The following TAFA5 variants were observed in gnomAD, a reference collection of about 807,000 sequenced individuals.
TAFA5 encodes the protein chemokine-like protein TAFA-5.
TAFA5 carries 6 observed loss-of-function variants against 15.3 expected under a neutral mutation model. The ratio of observed to expected loss-of-function variants is 0.39; its 90% confidence interval spans 0.21 to 0.77. The LOEUF (loss-of-function observed/expected upper bound fraction) is 0.77. Among genes scored for constraint, TAFA5 ranks in the 30% least tolerant of loss-of-function variants. The probability of loss-of-function intolerance (pLI) is 0.41; values close to 1 mark genes in which losing one functional copy is unlikely to be tolerated. For synonymous variants in TAFA5, 103 were observed against 80.7 expected (o/e 1.28, Z -1.48); for missense variants, 161 against 193.1 (o/e 0.83, Z 0.98).
At chr22:48,541,601 C>A (rs928687652) in intron 1 of TAFA5, among the ~76,000 whole-genome samples, 9 of 152,122 alleles carry the variant, frequency 5.9e-5, no homozygotes, top group Admixed American at 3.9e-4. Flanking sequence ...ACAGGTGCCA[C>A]CCCCCTGTGT....
chr22:48,663,205 A>G (rs941168759), intron 2 of TAFA5, among the ~76,000 whole-genome samples: 1 of 152,136 alleles, frequency 6.6e-6, no homozygotes, highest in Non-Finnish European at 1.5e-5. Flanking sequence ...TTCATTTACC[A>G]TTGGGAAGGG....
chr22:48,499,874 A>G (rs1013063840), intron 1 of TAFA5, among the ~76,000 whole-genome samples: 2 of 152,118 alleles, frequency 1.3e-5, no homozygotes, highest in Non-Finnish European at 2.9e-5. Flanking sequence ...TATGTGGTGC[A>G]AATGTGCGTT....
At chr22:48,693,443 G>A (rs376303012) in intron 2 of TAFA5, 22 of 1,603,490 alleles carry the variant, frequency 1.4e-5, no homozygotes, top group East Asian at 9.0e-5. Flanking sequence ...GAGGGACTGC[G>A]ACTCTTGCAG....
chr22:48,563,619 G>C (rs947853625), intron 1 of TAFA5, among the ~76,000 whole-genome samples: 3 of 152,222 alleles, frequency 2.0e-5, no homozygotes, highest in Non-Finnish European at 4.4e-5. Flanking sequence ...AGCGCTGCTG[G>C]GCTCTCTGCC....
At chr22:48,585,619 CCA>C (rs1470143232) in intron 1 of TAFA5, among the ~76,000 whole-genome samples, 2 of 150,906 alleles carry the variant, frequency 1.3e-5, no homozygotes, top group African/African-American at 4.9e-5. Flanking sequence ...ACAAAATACA[CCA>C]CACACACTAG....
At chr22:48,676,222 C>G (rs1927966902) in intron 2 of TAFA5, among the ~76,000 whole-genome samples, 1 of 152,250 alleles carries the variant, frequency 6.6e-6, no homozygotes, top group African/African-American at 2.4e-5. Flanking sequence ...ACAGCGTCCA[C>G]CTCATGGTCT....
At chr22:48,683,877 C>A (rs1928271369) in intron 2 of TAFA5, among the ~76,000 whole-genome samples, 1 of 152,106 alleles carries the variant, frequency 6.6e-6, no homozygotes, top group African/African-American at 2.4e-5. Context: ...AAAAGTGTAG[C>A]CCCTCCCCCG....
At chr22:48,571,061 G>T (rs1468321071) in intron 1 of TAFA5, among the ~76,000 whole-genome samples, 2 of 151,972 alleles carry the variant, frequency 1.3e-5, no homozygotes, top group African/African-American at 4.8e-5. Flanking sequence ...TTTCTATAAG[G>T]GATGGGACTA....
rs140540488 is a variant in TAFA5, at chr22:48,675,361, G to A, written c.262+28615G>A. 2.0e-5 allele frequency among the ~76,000 whole-genome samples: 3 copies of A among 152,366 alleles called. No individual in the cohort carries two copies. The East Asian group carries it at 5.8e-4, about 29-fold the overall frequency. On this transcript the variant is annotated intron_variant, in intron 2 of 3. Coordinates refer to ENST00000402357, the MANE Select transcript of TAFA5 (RefSeq NM_001082967.3). ...CCGTCCAAAACTCTGGGCCTCAGAG[G>A]TTGCAGCGGGAGACAGAGCAGGGGA...
chr22:48,747,315 C>A (rs12165551), intron 3 of TAFA5, among the ~76,000 whole-genome samples: 1,533 of 152,334 alleles, frequency 0.01, 29 homozygotes, highest in African/African-American at 0.035. Context: ...GCCGCTCCAG[C>A]CCTTCTCGTG....
At chr22:48,651,385 G>A (rs59654536) in intron 2 of TAFA5, among the ~76,000 whole-genome samples, 1 of 152,354 alleles carries the variant, frequency 6.6e-6, no homozygotes, top group African/African-American at 2.4e-5. Flanking sequence ...GGTCTGGGGA[G>A]GCTGTGCCCA....
At chr22:48,706,923 C>T (rs1009715070) in intron 2 of TAFA5, among the ~76,000 whole-genome samples, 5 of 152,204 alleles carry the variant, frequency 3.3e-5, no homozygotes, top group Non-Finnish European at 7.3e-5. Context: ...ACACCTACAG[C>T]CACAAAATAG....
intron 3 of TAFA5, among the ~76,000 whole-genome samples, chr22:48,711,331 G>A (rs908710066): frequency 1.1e-4 from 17 of 152,108 alleles, no homozygotes; most frequent in Middle Eastern, 3.4e-3. Context: ...GCTATGGCGG[G>A]GGCACCTTGT....
At chr22:48,685,964 AGTACACGCAGGCCCCACGTGCG>A (rs1386895752) in intron 2 of TAFA5, among the ~76,000 whole-genome samples, 63 of 133,460 alleles carry the variant, frequency 4.7e-4, no homozygotes, top group African/African-American at 2.5e-3. Context: ...GCGCCCCGGG[AGTACACGCAGGCCCCACGTGCG>A]CCCCGGGAGT....
chr22:48,704,039 A>G (rs1929000483), intron 2 of TAFA5, among the ~76,000 whole-genome samples: 1 of 152,216 alleles, frequency 6.6e-6, no homozygotes, highest in South Asian at 2.1e-4. Context: ...GTTCAGCTCA[A>G]GATGAGAGCA....
chr22:48,580,174 A>G (rs539809958), intron 1 of TAFA5, among the ~76,000 whole-genome samples: 1 of 152,282 alleles, frequency 6.6e-6, no homozygotes, highest in East Asian at 1.9e-4. Flanking sequence ...AACGGATTCA[A>G]CTTCCATTGA....
At chr22:48,571,574 G>GTTTTGTTTTT (rs1923586979) in intron 1 of TAFA5, among the ~76,000 whole-genome samples, 24 of 29,248 alleles carry the variant, frequency 8.2e-4, no homozygotes, top group East Asian at 2.1e-3. Flanking sequence ...TGCCTGGCCT[G>GTTTTGTTTTT]TTTTTTTTTT....
At chr22:48,721,180 T>G (rs764915893) in intron 3 of TAFA5, among the ~76,000 whole-genome samples, 2 of 152,190 alleles carry the variant, frequency 1.3e-5, no homozygotes, top group Non-Finnish European at 2.9e-5. Context: ...AGGGGAAGGA[T>G]AGAGTCCCGC....
intron 1 of TAFA5, among the ~76,000 whole-genome samples, chr22:48,570,752 G>C (rs1194146646): frequency 6.6e-6 from 1 of 152,110 alleles, no homozygotes; most frequent in African/African-American, 2.4e-5. Context: ...CTATTAATTT[G>C]TGTACATGTT....
Sources: gnomAD v4.1 joint callset for allele counts (sites outside exome capture counted in the v4.1 genomes callset) on GRCh38, gnomAD v4.1.1 for gene constraint, MANE v1.5 for transcripts, NCBI Gene and HGNC (gene_info 2026-07-23, HGNC 2026-07-21) for gene names.